RAB11FIP4: variants seen among roughly 807,000 people sequenced by gnomAD.
The protein encoded by RAB11FIP4 is rab11 family-interacting protein 4.
Under a neutral mutation model 74.3 loss-of-function variants are expected in RAB11FIP4, and 23 were observed. The observed-to-expected ratio is 0.31, with a 90% CI of 0.22 to 0.44. The LOEUF is 0.44. RAB11FIP4 is among the 20% of genes least tolerant of loss of function. The pLI is 1.00. For missense variants in RAB11FIP4, 630 were observed against 863.9 expected (o/e 0.73, Z 3.39); for synonymous variants, 360 against 359.9 (o/e 1.00, Z 0.00).
chr17:31,492,710 A>C (rs757294571), intron 3 of RAB11FIP4, among the ~76,000 whole-genome samples: 1 of 152,140 alleles, frequency 6.6e-6, no homozygotes, highest in Non-Finnish European at 1.5e-5. Flanking sequence ...CAGCTTCATC[A>C]TAATACTGTT....
intron 1 of RAB11FIP4, among the ~76,000 whole-genome samples, chr17:31,419,189 G>GT (rs2071175808): frequency 6.6e-6 from 1 of 152,082 alleles, no homozygotes; most frequent in East Asian, 1.9e-4. Flanking sequence ...TTTTTGTGCA[G>GT]TTTTGTGTGG....
At chr17:31,427,640 G>A (rs561775679) in intron 1 of RAB11FIP4, among the ~76,000 whole-genome samples, 1 of 152,374 alleles carries the variant, frequency 6.6e-6, no homozygotes, top group South Asian at 2.1e-4. Flanking sequence ...CTCCACCCTT[G>A]ACTTGCTTCA....
At chr17:31,477,871 T>C (rs1393684821) in intron 3 of RAB11FIP4, among the ~76,000 whole-genome samples, 1 of 152,080 alleles carries the variant, frequency 6.6e-6, no homozygotes, top group East Asian at 1.9e-4. Context: ...AGTTTCCCCA[T>C]CTGTAAAATG....
chr17:31,504,685 G>A (rs1230129655), intron 3 of RAB11FIP4, among the ~76,000 whole-genome samples: 1 of 152,126 alleles, frequency 6.6e-6, no homozygotes, highest in Non-Finnish European at 1.5e-5. Context: ...TAACACACCT[G>A]ACAAAATTAA....
At chr17:31,416,803 G>T (rs995207822) in intron 1 of RAB11FIP4, among the ~76,000 whole-genome samples, 1 of 152,128 alleles carries the variant, frequency 6.6e-6, no homozygotes, top group Non-Finnish European at 1.5e-5. Context: ...ATGACTGGCG[G>T]TTTGGCTACT....
At chr17:31,491,696 G>A (rs879806824) in intron 3 of RAB11FIP4, among the ~76,000 whole-genome samples, 3 of 152,220 alleles carry the variant, frequency 2.0e-5, no homozygotes, top group Non-Finnish European at 2.9e-5. Context: ...ACCACCCAAT[G>A]CTGTGACAAC....
chr17:31,392,060 CGCCGCCCCTCCCCCAGCT>C, intron 1 of RAB11FIP4, 49 bp downstream of exon 1: 1 of 1,172,992 alleles, frequency 8.5e-7, no homozygotes, highest in Non-Finnish European at 1.1e-6. Flanking sequence ...AGCCCAGCCC[CGCCGCCCCTCCCCCAGCT>C]CCCCCGCCGG....
intron 3 of RAB11FIP4, among the ~76,000 whole-genome samples, chr17:31,506,906 A>G (rs1006001946): frequency 1.3e-5 from 2 of 152,200 alleles, no homozygotes; most frequent in Admixed American, 1.3e-4. Context: ...TACCTAGTAG[A>G]TGAATTGTTG....
chr17:31,515,653 C>T (rs1423953435), intron 3 of RAB11FIP4, among the ~76,000 whole-genome samples: 4 of 152,018 alleles, frequency 2.6e-5, no homozygotes, highest in African/African-American at 7.2e-5. Context: ...CTTGTAGTCT[C>T]GGGACTGCAG....
Position 31,461,106 on chromosome 17 carries a change from C to T in RAB11FIP4, c.336+26984C>T, listed in dbSNP as rs541104699. ...CACAGACCCCTACTCATAGCCCTTGCTGCCAACAACCCCCCTGACTCCCAC... is the reference window on the plus strand; with the variant it reads ...CACAGACCCCTACTCATAGCCCTTGTTGCCAACAACCCCCCTGACTCCCAC... On this transcript the variant is annotated intron_variant, in intron 3 of 14. Coordinates refer to ENST00000621161, the MANE Select transcript of RAB11FIP4 (RefSeq NM_032932.6). 1.2e-3 allele frequency among the ~76,000 whole-genome samples: 178 copies of T among 150,256 alleles called. 3 individuals are homozygous for T. In the South Asian group the frequency reaches 0.023, roughly 19 times the overall value.
chr17:31,413,627 C>T (rs2071120456), intron 1 of RAB11FIP4, among the ~76,000 whole-genome samples: 1 of 152,070 alleles, frequency 6.6e-6, no homozygotes, highest in Non-Finnish European at 1.5e-5. Context: ...ATTCCCCACA[C>T]CTGCTGTGTC....
At chr17:31,417,676 A>G (rs2071161344) in intron 1 of RAB11FIP4, among the ~76,000 whole-genome samples, 1 of 152,162 alleles carries the variant, frequency 6.6e-6, no homozygotes, top group Admixed American at 6.5e-5. Context: ...ACTACTTGAG[A>G]TTTGGGGGTT....
At chr17:31,436,306 G>A (rs1205722578) in intron 3 of RAB11FIP4, among the ~76,000 whole-genome samples, 1 of 152,206 alleles carries the variant, frequency 6.6e-6, no homozygotes, top group African/African-American at 2.4e-5. Flanking sequence ...GCCTGCTGCT[G>A]TAAGAAAATG....
At chr17:31,483,525 C>A (rs1168063360) in intron 3 of RAB11FIP4, among the ~76,000 whole-genome samples, 1 of 152,204 alleles carries the variant, frequency 6.6e-6, no homozygotes. Flanking sequence ...AAGTTTCATA[C>A]AGAAGACAGC....
At chr17:31,515,482 G>A (rs768462880) in intron 3 of RAB11FIP4, among the ~76,000 whole-genome samples, 1 of 118,510 alleles carries the variant, frequency 8.4e-6, no homozygotes, top group Non-Finnish European at 2.2e-5. Flanking sequence ...TTAGCCCAGG[G>A]GTCTCCTGGT....
chr17:31,439,596 C>G (rs2071390106), intron 3 of RAB11FIP4, among the ~76,000 whole-genome samples: 1 of 152,102 alleles, frequency 6.6e-6, no homozygotes, highest in Non-Finnish European at 1.5e-5. Flanking sequence ...TATAAGAAAT[C>G]TCTGTATATT....
chr17:31,447,920 A>G (rs1446963463), intron 3 of RAB11FIP4, among the ~76,000 whole-genome samples: 1 of 152,072 alleles, frequency 6.6e-6, no homozygotes, highest in Non-Finnish European at 1.5e-5. Flanking sequence ...TCCCAGGCTC[A>G]AGCAATCCTC....
chr17:31,488,760 CG>C (rs902257678), intron 3 of RAB11FIP4, among the ~76,000 whole-genome samples: 25 of 152,282 alleles, frequency 1.6e-4, no homozygotes, highest in African/African-American at 5.5e-4. Context: ...GGTGTGGGGC[CG>C]GGGCCCTGCC....
chr17:31,482,917 G>A (rs1465410533), intron 3 of RAB11FIP4, among the ~76,000 whole-genome samples: 3 of 151,740 alleles, frequency 2.0e-5, no homozygotes, highest in South Asian at 2.1e-4. Context: ...TCCTCTGGCC[G>A]GGGGCAGTGG....
Sources: gnomAD v4.1 joint callset for allele counts (sites outside exome capture counted in the v4.1 genomes callset) on GRCh38, gnomAD v4.1.1 for gene constraint, MANE v1.5 for transcripts, NCBI Gene and HGNC (gene_info 2026-07-23, HGNC 2026-07-21) for gene names.